The following CTNNA3 variants were observed in gnomAD, a reference collection of about 807,000 sequenced individuals.
CTNNA3 encodes catenin alpha-3.
A neutral mutation model predicts 95.7 loss-of-function variants in CTNNA3; 76 were observed. That is an observed-to-expected ratio of 0.79 (90% CI 0.66 to 0.96). The LOEUF is 0.96. Ranked by LOEUF, CTNNA3 falls within the 40% of genes least tolerant of loss-of-function variation. The probability of loss-of-function intolerance (pLI) is 0.00; values close to 1 mark genes in which losing one functional copy is unlikely to be tolerated. For missense variants in CTNNA3, 1,191 were observed against 1,089.8 expected (o/e 1.09, Z -1.31); for synonymous variants, 431 against 374.4 (o/e 1.15, Z -1.74).
At chr10:66,668,237 A>G (rs1846525907) in intron 9 of CTNNA3, among the ~76,000 whole-genome samples, 1 of 151,302 alleles carries the variant, frequency 6.6e-6, no homozygotes, top group South Asian at 2.1e-4. Context: ...CTGATGATGG[A>G]AAAGGAAACT....
chr10:67,756,842 T>C (rs1841436214), intron 1 of CTNNA3, among the ~76,000 whole-genome samples: 1 of 152,186 alleles, frequency 6.6e-6, no homozygotes, highest in Non-Finnish European at 1.5e-5. Context: ...GAATTTTACC[T>C]CAATATAACA....
intron 3 of CTNNA3, among the ~76,000 whole-genome samples, chr10:67,579,248 C>T (rs1842290147): frequency 7.4e-6 from 1 of 135,106 alleles, no homozygotes; most frequent in Non-Finnish European, 1.5e-5. Flanking sequence ...GTTCCCCACC[C>T]TGTGTCCAAG....
intron 16 of CTNNA3, among the ~76,000 whole-genome samples, chr10:65,974,074 A>G (rs971092356): frequency 1.3e-5 from 2 of 152,214 alleles, no homozygotes; most frequent in Non-Finnish European, 2.9e-5. Context: ...GGCTATTATT[A>G]AAAAGTCAAA....
intron 7 of CTNNA3, among the ~76,000 whole-genome samples, chr10:67,132,563 A>G (rs952855373): frequency 1.3e-5 from 2 of 152,084 alleles, no homozygotes; most frequent in African/African-American, 4.8e-5. Context: ...CTCAAAGTAA[A>G]TGAGAGGGAT....
chr10:66,822,633 T>C (rs893020342), intron 7 of CTNNA3, among the ~76,000 whole-genome samples: 2 of 152,214 alleles, frequency 1.3e-5, no homozygotes, highest in Non-Finnish European at 2.9e-5. Flanking sequence ...TTAAACACTT[T>C]CAATAGTAGA....
chr10:66,630,405 G>C (rs1845091121), intron 9 of CTNNA3, among the ~76,000 whole-genome samples: 1 of 152,116 alleles, frequency 6.6e-6, no homozygotes, highest in African/African-American at 2.4e-5. Context: ...CCTTAACAAG[G>C]CTTGGGGGGC....
chr10:67,081,925 C>A (rs1282733117), intron 7 of CTNNA3, among the ~76,000 whole-genome samples: 1 of 152,104 alleles, frequency 6.6e-6, no homozygotes, highest in African/African-American at 2.4e-5. Context: ...GCATGGATCC[C>A]TATTAAAGAC....
chr10:67,586,405 G>C (rs1405552877), intron 3 of CTNNA3, among the ~76,000 whole-genome samples: 1 of 152,032 alleles, frequency 6.6e-6, no homozygotes, highest in Non-Finnish European at 1.5e-5. Flanking sequence ...GCCAGGAGTA[G>C]GGTGTTGAAG....
chr10:66,945,496 A>G (rs1848228383), intron 7 of CTNNA3, among the ~76,000 whole-genome samples: 1 of 152,098 alleles, frequency 6.6e-6, no homozygotes, highest in Admixed American at 6.6e-5. Flanking sequence ...AATGTTGTGG[A>G]TGGTTTGATC....
At chr10:66,339,145 CAT>C (rs775021858) in intron 12 of CTNNA3, among the ~76,000 whole-genome samples, 3 of 151,782 alleles carry the variant, frequency 2.0e-5, no homozygotes, top group Non-Finnish European at 4.4e-5. Context: ...ACATATGAAA[CAT>C]GTGCATTCTT....
At chr10:67,340,163 T>G (rs1842131757) in intron 5 of CTNNA3, among the ~76,000 whole-genome samples, 1 of 152,146 alleles carries the variant, frequency 6.6e-6, no homozygotes, top group Non-Finnish European at 1.5e-5. Context: ...AAATAAAATA[T>G]AATACCTAAC....
At chr10:67,265,310 T>G (rs1654572697) in intron 5 of CTNNA3, among the ~76,000 whole-genome samples, 1 of 152,210 alleles carries the variant, frequency 6.6e-6, no homozygotes, top group African/African-American at 2.4e-5. Context: ...GACTTGATTA[T>G]ACTTTTTTTA....
intron 5 of CTNNA3, among the ~76,000 whole-genome samples, chr10:67,342,176 A>C (rs1589189901): frequency 1.5e-5 from 2 of 129,258 alleles, no homozygotes; most frequent in South Asian, 4.7e-4. Context: ...GTCTCGGCTC[A>C]CGGCAAGCTC....
At chr10:66,061,717 T>C (rs2080203364) in intron 15 of CTNNA3, among the ~76,000 whole-genome samples, 1 of 152,066 alleles carries the variant, frequency 6.6e-6, no homozygotes, top group Non-Finnish European at 1.5e-5. Flanking sequence ...CTGGCCTCCA[T>C]TCTCATGAAC....
intron 14 of CTNNA3, among the ~76,000 whole-genome samples, chr10:66,095,580 A>G (rs2081359588): frequency 1.3e-5 from 2 of 152,126 alleles, no homozygotes; most frequent in South Asian, 4.1e-4. Context: ...TAATTTTTAG[A>G]GTAAACCACT....
chr10:67,303,388 G>A (rs1331418438), intron 5 of CTNNA3, among the ~76,000 whole-genome samples: 1 of 152,172 alleles, frequency 6.6e-6, no homozygotes, highest in African/African-American at 2.4e-5. Context: ...AATTCAACCA[G>A]AATCTAGAAG....
chr10:66,142,767 G>T (rs1353179929), intron 13 of CTNNA3, among the ~76,000 whole-genome samples: 1 of 151,978 alleles, frequency 6.6e-6, no homozygotes, highest in Non-Finnish European at 1.5e-5. Context: ...CTTGTTTTTG[G>T]GTAGTTTTCT....
chr10:66,755,042 A>C (rs1021958663), intron 9 of CTNNA3, among the ~76,000 whole-genome samples: 1 of 152,182 alleles, frequency 6.6e-6, no homozygotes, highest in Non-Finnish European at 1.5e-5. Context: ...CATAACACCC[A>C]AAAAAGCAGA....
chr10:67,536,738 C>T (rs551490143), intron 4 of CTNNA3, among the ~76,000 whole-genome samples: 2 of 152,254 alleles, frequency 1.3e-5, no homozygotes, highest in South Asian at 2.1e-4. Flanking sequence ...ACAATTTTAA[C>T]GCGCTAATGT....
Sources: allele counts gnomAD v4.1 joint callset (sites outside exome capture counted in the v4.1 genomes callset), GRCh38; gene constraint gnomAD v4.1.1; transcripts MANE v1.5; gene names NCBI Gene and HGNC (gene_info 2026-07-23, HGNC 2026-07-21).